NCKAP5: variants seen among roughly 807,000 people sequenced by gnomAD.
NCKAP5 encodes NCK associated protein 5.
In NCKAP5, 92 loss-of-function variants were observed where a neutral mutation model predicts 167.0. The ratio of observed to expected loss-of-function variants is 0.55; its 90% CI spans 0.47 to 0.66. The LOEUF (loss-of-function observed/expected upper bound fraction) is 0.66. Ranked by LOEUF, NCKAP5 falls within the 30% of genes least tolerant of loss-of-function variation. The pLI, the probability that NCKAP5 is intolerant of heterozygous loss-of-function variation, is 0.00. For missense variants in NCKAP5, 2,378 were observed against 2,315.0 expected (o/e 1.03, Z -0.56); for synonymous variants, 891 against 877.4 (o/e 1.02, Z -0.27).
chr2:133,441,457 G>T lies in NCKAP5; in HGVS notation c.69+76001C>A, dbSNP rs190057231. Among the ~76,000 whole-genome samples the T allele has an allele frequency of 3.4e-3, 524 of 152,296 alleles. 6 individuals carry two copies. Among genetic ancestry groups the T allele is most frequent in the African/African-American group, 0.011 (463 of 41,546 alleles). On this transcript the variant is annotated intron_variant, in intron 3 of 19. Coordinates refer to ENST00000409261, the MANE Select transcript of NCKAP5 (RefSeq NM_207363.3). ...AAGGCTCTTCCAGCAGATGGACTAGGTCAGCAAAAGGTGCTCTATTTAACT... is the reference window on the plus strand; with the variant it reads ...AAGGCTCTTCCAGCAGATGGACTAGTTCAGCAAAAGGTGCTCTATTTAACT...
intron 3 of NCKAP5, among the ~76,000 whole-genome samples, chr2:133,328,797 A>G (rs971963350): frequency 6.6e-6 from 1 of 152,216 alleles, no homozygotes. Flanking sequence ...TTTAATTTAA[A>G]ATACACTTGC....
chr2:133,180,269 C>G (rs2084670958), intron 5 of NCKAP5, among the ~76,000 whole-genome samples: 1 of 152,114 alleles, frequency 6.6e-6, no homozygotes, highest in Admixed American at 6.5e-5. Flanking sequence ...TAAAGGAAAA[C>G]TCAAGAAAAT....
chr2:132,900,965 C>CA lies in NCKAP5; in HGVS notation c.580-22050dup, dbSNP rs1421394476. On this transcript the variant is annotated intron_variant, in intron 8 of 19. Transcript: ENST00000409261. The stretch of plus-strand genomic sequence containing the variant: ...CGGGTGACAGAGCAAGACTCTGTCT[C>CA]AAAAAAAAAAAGAAAAAAAAAAAAA... Among the ~76,000 whole-genome samples, 115 of 31,188 alleles carry CA rather than the reference C, an allele frequency of 3.7e-3. 1 individual carries two copies. Among genetic ancestry groups the CA allele is most frequent in the Middle Eastern group, 0.015 (1 of 68 alleles). 20.5% of individuals were successfully genotyped at this position (31,188 alleles called of 152,430 possible).
At chr2:133,499,464 C>T (rs1318227685) in intron 3 of NCKAP5, among the ~76,000 whole-genome samples, 1 of 152,242 alleles carries the variant, frequency 6.6e-6, no homozygotes, top group Middle Eastern at 3.2e-3. Context: ...GTGGACACAT[C>T]TTCTTGCCAC....
chr2:133,603,265 T>G, the NCKAP5 span, among the ~76,000 whole-genome samples: 1 of 151,144 alleles, frequency 6.6e-6, no homozygotes, highest in Non-Finnish European at 1.5e-5. Context: ...TCACTCTTGT[T>G]GCCCAGGCTG....
At position 133,517,050 on chromosome 2, in the gene NCKAP5, A is replaced by T. The variant is rs117852705; in HGVS notation, c.69+408T>A. Among the ~76,000 whole-genome samples, 151 of 152,306 alleles carry T rather than the reference A, an allele frequency of 9.9e-4. 2 individuals carry two copies. In the East Asian group the frequency reaches 0.027, roughly 27 times the overall value. ...GCACATACCTAAGAAGGTCTCCAAG[A>T]CTTCCTCTGCTCTTCAATATTTGAA... On this transcript the variant is annotated intron_variant, in intron 3 of 19. Coordinates refer to ENST00000409261, the MANE Select transcript of NCKAP5 (RefSeq NM_207363.3).
intron 2 of NCKAP5, among the ~76,000 whole-genome samples, chr2:133,553,537 A>G (rs56209820): frequency 0.28 from 41,830 of 152,082 alleles, 6,278 homozygotes; most frequent in East Asian, 0.38. Context: ...GATCTGAAGC[A>G]GGGCCTCTAA....
the NCKAP5 span, among the ~76,000 whole-genome samples, chr2:133,665,961 T>C: frequency 1.3e-5 from 2 of 150,656 alleles, no homozygotes; most frequent in African/African-American, 5.0e-5. Flanking sequence ...TATATGAATA[T>C]GAATGTTTAT....
chr2:133,402,284 C>T (rs1417372856), intron 3 of NCKAP5, among the ~76,000 whole-genome samples: 1 of 152,126 alleles, frequency 6.6e-6, no homozygotes, highest in Non-Finnish European at 1.5e-5. Context: ...AAATAGGACC[C>T]TGAGGCCTGG....
intron 19 of NCKAP5, among the ~76,000 whole-genome samples, chr2:132,689,743 C>A (rs1686477219): frequency 6.6e-6 from 1 of 152,050 alleles, no homozygotes; most frequent in South Asian, 2.1e-4. Flanking sequence ...TTGTCCTTGG[C>A]ATTTGAGATG....
At chr2:133,177,437 G>A (rs537949702) in intron 5 of NCKAP5, among the ~76,000 whole-genome samples, 2 of 152,046 alleles carry the variant, frequency 1.3e-5, no homozygotes, top group Non-Finnish European at 2.9e-5. Flanking sequence ...TACTGTCCAA[G>A]CCATTCATGT....
At chr2:133,654,493 CA>C in the NCKAP5 span, among the ~76,000 whole-genome samples, 2 of 152,132 alleles carry the variant, frequency 1.3e-5, no homozygotes, top group African/African-American at 2.4e-5. Flanking sequence ...ATTTCTGGAT[CA>C]GGGGTAACGA....
intron 11 of NCKAP5, among the ~76,000 whole-genome samples, chr2:132,832,072 GT>G (rs1411429404): frequency 6.6e-6 from 1 of 151,958 alleles, no homozygotes; most frequent in African/African-American, 2.4e-5. Context: ...TTTATAATTT[GT>G]TTTGAAATTT....
At chr2:133,082,491 G>C (rs2080843750) in intron 6 of NCKAP5, among the ~76,000 whole-genome samples, 1 of 152,064 alleles carries the variant, frequency 6.6e-6, no homozygotes, top group Non-Finnish European at 1.5e-5. Flanking sequence ...GGGTGGAAGG[G>C]GATGGAGAAC....
intron 5 of NCKAP5, among the ~76,000 whole-genome samples, chr2:133,138,703 C>T (rs542004358): frequency 2.0e-5 from 3 of 152,284 alleles, no homozygotes; most frequent in African/African-American, 4.8e-5. Flanking sequence ...CCTTGGCCTC[C>T]ATTTTAAATA....
chr2:133,210,173 A>AATAATATAACATAAT (rs2086144957), intron 5 of NCKAP5, among the ~76,000 whole-genome samples: 1 of 145,070 alleles, frequency 6.9e-6, no homozygotes. Context: ...CTCAAAAATA[A>AATAATATAACATAAT]ATAATATAAT....
chr2:132,914,656 G>T (rs943090247), intron 8 of NCKAP5, among the ~76,000 whole-genome samples: 3 of 152,018 alleles, frequency 2.0e-5, no homozygotes, highest in Non-Finnish European at 4.4e-5. Context: ...CCCCAGTAAC[G>T]TTAAAGGACT....
At chr2:133,379,359 G>C (rs1178075889) in intron 3 of NCKAP5, among the ~76,000 whole-genome samples, 1 of 152,072 alleles carries the variant, frequency 6.6e-6, no homozygotes, top group Non-Finnish European at 1.5e-5. Context: ...TCATTTTCTG[G>C]ACTACCCCAC....
At chr2:133,533,513 A>G (rs1685526441) in intron 2 of NCKAP5, among the ~76,000 whole-genome samples, 3 of 152,234 alleles carry the variant, frequency 2.0e-5, no homozygotes, top group Non-Finnish European at 4.4e-5. Flanking sequence ...TAAAACCCCA[A>G]GAAGAAGAGA....
Sources: gnomAD v4.1 joint callset for allele counts (sites outside exome capture counted in the v4.1 genomes callset) on GRCh38, gnomAD v4.1.1 for gene constraint, MANE v1.5 for transcripts, NCBI Gene and HGNC (gene_info 2026-07-23, HGNC 2026-07-21) for gene names.